The following SLC25A28 variants were observed in gnomAD, a reference collection of about 807,000 sequenced individuals.
The protein encoded by SLC25A28 is solute carrier family 25 member 28.
Under a neutral mutation model 31.9 loss-of-function variants are expected in SLC25A28, and 10 were observed. The ratio of observed to expected loss-of-function variants is 0.31; its 90% CI spans 0.19 to 0.53. The LOEUF (loss-of-function observed/expected upper bound fraction) is 0.53, where lower values mean the gene tolerates loss of function less well. Ranked by LOEUF, SLC25A28 falls within the 20% of genes least tolerant of loss-of-function variation. SLC25A28 has a pLI of 0.95. For missense variants in SLC25A28, 256 were observed against 490.3 expected (o/e 0.52, Z 4.51); for synonymous variants, 208 against 203.6 (o/e 1.02, Z -0.19).
At chr10:99,637,812 G>T in the SLC25A28 span, among the ~76,000 whole-genome samples, 7 of 152,236 alleles carry the variant, frequency 4.6e-5, no homozygotes, top group African/African-American at 1.7e-4. Flanking sequence ...ACAAACAAAT[G>T]GAAACACATC....
rs2133340374 is a variant in SLC25A28, at chr10:99,613,314, T to C, written c.520+382A>G. ...AGCAGGGGCTTCATTAGTATCTTCCTTGGGTGGCTGGCTGGGTCGCCTCCA... is the reference window on the plus strand; with the variant it reads ...AGCAGGGGCTTCATTAGTATCTTCCCTGGGTGGCTGGCTGGGTCGCCTCCA... On this transcript the variant is annotated intron_variant, in intron 2 of 3. Coordinates refer to ENST00000370495, the MANE Select transcript of SLC25A28 (RefSeq NM_031212.4). This position sits in a 1 kb window ranked among gnomAD's most constrained non-coding sequence, Gnocchi z 4.9. 1.1e-6 allele frequency: 1 copy of C among 906,544 alleles called. No homozygotes were observed. The highest frequency in any genetic ancestry group is 1.2e-4 in the East Asian group (1 of 8,414). 56.2% of individuals were successfully genotyped at this position (906,544 alleles called of 1,614,324 possible). A position where few individuals can be genotyped will look rare whatever the true frequency, so the allele number is the denominator to read the frequency against.
Position 99,611,464 on chromosome 10 carries a change from G to C in SLC25A28, c.578-98C>G. Reference sequence around the variant, plus strand: ...GCCCCAAGTCAGCAGATCAGCCAATGGAATAGAGAGAGAAAAAAGTATGAG... The same window carrying C: ...GCCCCAAGTCAGCAGATCAGCCAATCGAATAGAGAGAGAAAAAAGTATGAG... On this transcript the variant is annotated intron_variant, in intron 3 of 3. Transcript: ENST00000370495. This position sits in a 1 kb window ranked among gnomAD's most constrained non-coding sequence, Gnocchi z 5.5. The C allele has an allele frequency of 7.0e-7, 1 of 1,438,264 alleles. No individual in the cohort carries two copies. The highest frequency in any genetic ancestry group is 9.4e-7 in the Non-Finnish European group (1 of 1,064,362). The allele number at this position is 1,438,264 out of a possible 1,614,324, so 89.1% of individuals were successfully genotyped here.
At chr10:99,639,518 A>T in the SLC25A28 span, among the ~76,000 whole-genome samples, 1 of 152,070 alleles carries the variant, frequency 6.6e-6, no homozygotes, top group Non-Finnish European at 1.5e-5. Flanking sequence ...CATTTTCTCA[A>T]TTTCAAGGAA....
chr10:99,628,398 T>A, the SLC25A28 span, among the ~76,000 whole-genome samples: 1 of 152,392 alleles, frequency 6.6e-6, no homozygotes, highest in Non-Finnish European at 1.5e-5. Context: ...AAGGAAAATA[T>A]GTCAAAAACA....
chr10:99,621,061 C>G (rs1391800809), upstream of SLC25A28: 2 of 881,520 alleles, frequency 2.3e-6, no homozygotes, highest in East Asian at 2.4e-4. Flanking sequence ...CGGGGCCGGC[C>G]TGGGCCGGTC....
chr10:99,619,897 T>C (rs1266659533), intron 1 of SLC25A28, 148 bp downstream of exon 1: 2 of 743,422 alleles, frequency 2.7e-6, no homozygotes, highest in Non-Finnish European at 2.0e-6. Context: ...CTTGCTTGAA[T>C]GGAGTGTCGG....
At chr10:99,620,625 C>G (rs1565024126), upstream of SLC25A28, 1 of 996,128 alleles carries the variant, frequency 1.0e-6, no homozygotes, top group Non-Finnish European at 1.2e-6. Flanking sequence ...CCCCTTTGAT[C>G]TTAGAAGCTT....
the SLC25A28 span, among the ~76,000 whole-genome samples, chr10:99,637,866 T>C: frequency 6.6e-6 from 1 of 152,124 alleles, no homozygotes; most frequent in Non-Finnish European, 1.5e-5. Flanking sequence ...AAAATGACCA[T>C]ACTGCCAAAA....
chr10:99,613,137 G>A lies in SLC25A28; in HGVS notation c.521-538C>T, dbSNP rs1196311464. 6.6e-6 allele frequency among the ~76,000 whole-genome samples: 1 copy of A among 152,144 alleles called. No homozygotes were observed. The highest frequency in any genetic ancestry group is 1.5e-5 in the Non-Finnish European group (1 of 68,024). ...GTTTCCAGCCGGTCCTAAAGCCCTA[G>A]GCTGCTATCCTTTCTCTTACTTCCA... On this transcript the variant is annotated intron_variant, in intron 2 of 3. Transcript: ENST00000370495. This position sits in a 1 kb window ranked among gnomAD's most constrained non-coding sequence, Gnocchi z 4.9.
At chr10:99,655,018 A>C in the SLC25A28 span, among the ~76,000 whole-genome samples, 1 of 152,388 alleles carries the variant, frequency 6.6e-6, no homozygotes, top group East Asian at 1.9e-4. Flanking sequence ...GCTGTTAATC[A>C]GATAAGCACT....
chr10:99,612,161 T>C (rs2034538927), intron 3 of SLC25A28, among the ~76,000 whole-genome samples: 1 of 152,136 alleles, frequency 6.6e-6, no homozygotes, highest in Non-Finnish European at 1.5e-5. Flanking sequence ...AGAAAGGCAA[T>C]ATATTTAAGT....
At chr10:99,640,663 CCATTAACTTGTCATTTA>C in the SLC25A28 span, among the ~76,000 whole-genome samples, 12 of 151,880 alleles carry the variant, frequency 7.9e-5, no homozygotes, top group East Asian at 2.1e-3. Context: ...TGTGCTGCAC[CCATTAACTTGTCATTTA>C]CATTAGGTAT....
intron 1 of SLC25A28, chr10:99,618,938 G>T (rs960068301): frequency 3.0e-6 from 3 of 985,292 alleles, no homozygotes; most frequent in Non-Finnish European, 3.6e-6. Flanking sequence ...AAAGCTGCCA[G>T]GTCACTGTTT....
At chr10:99,640,198 A>C in the SLC25A28 span, among the ~76,000 whole-genome samples, 2 of 152,346 alleles carry the variant, frequency 1.3e-5, no homozygotes, top group South Asian at 4.1e-4. Context: ...TTAGTAGCTT[A>C]AAACAATAAA....
At chr10:99,648,068 G>T in the SLC25A28 span, among the ~76,000 whole-genome samples, 2 of 151,388 alleles carry the variant, frequency 1.3e-5, no homozygotes, top group African/African-American at 4.9e-5. Flanking sequence ...GAGTGACATC[G>T]GCTCACTGTA....
upstream of SLC25A28, among the ~76,000 whole-genome samples, chr10:99,624,055 CCCTTCCTTCCTTCTCTTTCTTCCTT>C (rs2034837030): frequency 6.6e-6 from 1 of 151,454 alleles, no homozygotes; most frequent in Non-Finnish European, 1.5e-5. Flanking sequence ...CCTCCTCCCT[CCCTTCCTTCCTTCTCTTTCTTCCTT>C]CCTTTCTTCT....
In SLC25A28 at chr10:99,611,612, A is replaced by G. The variant is rs1020602024; in HGVS notation, c.578-246T>C. Among the ~76,000 whole-genome samples the G allele has an allele frequency of 5.9e-5, 9 of 152,172 alleles. No individual in the cohort carries two copies. The highest frequency in any genetic ancestry group is 2.9e-5 in the Non-Finnish European group (2 of 68,018). On this transcript the variant is annotated intron_variant, in intron 3 of 3. Coordinates refer to ENST00000370495, the MANE Select transcript of SLC25A28 (RefSeq NM_031212.4). The surrounding 1 kb of genome is among the most constrained non-coding windows in gnomAD (Gnocchi z 5.5). ...CATCAGGACTTCTGTAAAGCCAGCCAGTTCGCACACAGGACATATCTACAG... is the reference window on the plus strand; with the variant it reads ...CATCAGGACTTCTGTAAAGCCAGCCGGTTCGCACACAGGACATATCTACAG...
intron 2 of SLC25A28, 92 bp from the exon 3 acceptor site, chr10:99,612,691 C>T (rs768965854): frequency 1.4e-6 from 2 of 1,433,830 alleles, no homozygotes; most frequent in Admixed American, 1.7e-5. Context: ...CTGTGCTACA[C>T]TACAGCGGGG....
Position 99,620,371 on chromosome 10 carries a change from C to G in SLC25A28, c.-36G>C. 3.6e-6 allele frequency: 4 copies of G among 1,099,442 alleles called. No homozygotes were observed. The highest frequency in any genetic ancestry group is 4.4e-6 in the Non-Finnish European group (4 of 904,186). The allele number at this position is 1,099,442 out of a possible 1,614,324, so 68.1% of individuals were successfully genotyped here. On this transcript the variant is annotated 5_prime_UTR_variant, in exon 1 of 4. Coordinates refer to ENST00000370495, the MANE Select transcript of SLC25A28 (RefSeq NM_031212.4). ...CAGCTGCGGCGCCCACCCCCGCCGC[C>G]GCTGCCACCACTGCCGCCGCCGCCC...
Sources: allele counts gnomAD v4.1 joint callset (sites outside exome capture counted in the v4.1 genomes callset), GRCh38; gene constraint gnomAD v4.1.1; non-coding constraint Gnocchi (gnomAD v3.1); transcripts MANE v1.5; gene names NCBI Gene and HGNC (gene_info 2026-07-23, HGNC 2026-07-21).